Variants in CFAP47 observed in about 807,000 individuals in gnomAD.
The protein encoded by CFAP47 is cilia- and flagella-associated protein 47.
A neutral mutation model predicts 148.1 loss-of-function variants in CFAP47; 29 were observed. That is an observed-to-expected ratio of 0.20 (90% CI 0.15 to 0.27). CFAP47 has a LOEUF of 0.27. Among genes scored for constraint, CFAP47 ranks in the 10% least tolerant of loss-of-function variants. CFAP47 has a pLI of 1.00. For synonymous variants in CFAP47, 664 were observed against 577.3 expected (o/e 1.15, Z -2.15); for missense variants, 1,872 against 1,697.5 (o/e 1.10, Z -1.81).
intron 8 of CFAP47, among the ~76,000 whole-genome samples, chrX:35,959,243 G>A (rs972894378): frequency 8.1e-5 from 9 of 111,305 alleles, no homozygotes; most frequent in Non-Finnish European, 1.7e-4. Context: ...TTTTTTTATG[G>A]AATTGCAAGA....
chrX:35,921,505 A>G (rs1273477025), intron 1 of CFAP47, among the ~76,000 whole-genome samples: 1 of 112,018 alleles, frequency 8.9e-6, no homozygotes, highest in Non-Finnish European at 1.9e-5. Flanking sequence ...TTGGATGTGG[A>G]CAACCACTAT....
rs1049745964 is a variant in CFAP47 at position 36,366,929 on chromosome X, C to T, written c.9024-37C>T. The T allele has an allele frequency of 6.2e-6, 6 of 972,030 alleles. No homozygotes were observed. The African/African-American group carries it at 1.2e-4, about 19-fold the overall frequency. 80.1% of individuals were successfully genotyped at this position (972,030 alleles called of 1,213,427 possible). A position where few individuals can be genotyped will look rare whatever the true frequency, so the allele number is the denominator to read the frequency against. ...TATATTTATTCTCTTTACTTGTTTT[C>T]ACGTAGTGTCATTTAAAATCTCCTT... On this transcript the variant is annotated intron_variant, in intron 61 of 63. Transcript: ENST00000378653.
chrX:36,011,621 A>G (rs1262142164), intron 21 of CFAP47, among the ~76,000 whole-genome samples: 1 of 112,205 alleles, frequency 8.9e-6, no homozygotes, highest in Non-Finnish European at 1.9e-5. Context: ...TGCCAAGCAC[A>G]TTGCATCAGT....
rs145040004 is a variant in CFAP47 at position 36,137,542 on chromosome X, G to T, written c.5321-416G>T. Reference sequence around the variant, plus strand: ...TTTCCTGCCACGTGGATGAATTTCTGCAAGAAATAAAGAAACTGGCACTAG... The same window carrying T: ...TTTCCTGCCACGTGGATGAATTTCTTCAAGAAATAAAGAAACTGGCACTAG... On this transcript the variant is annotated intron_variant, in intron 33 of 63. Coordinates refer to ENST00000378653, the MANE Select transcript of CFAP47 (RefSeq NM_001304548.2). Among the ~76,000 whole-genome samples, 707 of 110,587 alleles carry T rather than the reference G, an allele frequency of 6.4e-3. 8 individuals carry two copies. The highest frequency in any genetic ancestry group is 0.023 in the African/African-American group (687 of 30,529).
At chrX:36,190,636 C>T (rs1555986354) in intron 42 of CFAP47, among the ~76,000 whole-genome samples, 2 of 112,211 alleles carry the variant, frequency 1.8e-5, no homozygotes, top group East Asian at 5.6e-4. Context: ...GAGGAAGGAT[C>T]TGCTTCCAAA....
In CFAP47 at chrX:36,172,876, A is replaced by G. The variant is rs967563285; in HGVS notation, c.6027-6469A>G. Among the ~76,000 whole-genome samples, 3 of 111,613 alleles carry G rather than the reference A, an allele frequency of 2.7e-5. No homozygotes were observed. The Admixed American group carries it at 2.8e-4, about 11-fold the overall frequency. On this transcript the variant is annotated intron_variant, in intron 39 of 63. Transcript: ENST00000378653. ...TTGGAATAGTTTCAGAAGGAATGGT[A>G]CCAGTTCCTCCTTGTACCTCTGGTA... is the stretch of plus-strand genomic sequence containing the variant.
At chrX:35,967,894 A>C in intron 10 of CFAP47, 62 bp downstream of exon 10, 1 of 626,607 alleles carries the variant, frequency 1.6e-6, no homozygotes. Context: ...CGACATGCAG[A>C]AGTTTCATCA....
intron 2 of CFAP47, among the ~76,000 whole-genome samples, chrX:35,929,791 G>C (rs1935798261): frequency 9.0e-6 from 1 of 110,989 alleles, no homozygotes; most frequent in Non-Finnish European, 1.9e-5. Context: ...TTGAGGCCAG[G>C]AGTTCGAGAC....
At chrX:36,213,590 G>T (rs2146890636) in intron 45 of CFAP47, among the ~76,000 whole-genome samples, 1 of 111,965 alleles carries the variant, frequency 8.9e-6, no homozygotes, top group Admixed American at 9.5e-5. Flanking sequence ...ATTTGTAAAA[G>T]GGAGAATGTT....
At chrX:36,085,938 A>T (rs1044469376) in intron 30 of CFAP47, among the ~76,000 whole-genome samples, 4 of 110,544 alleles carry the variant, frequency 3.6e-5, no homozygotes, top group African/African-American at 1.3e-4. Context: ...GATATTTCTG[A>T]TCCATTACCT....
intron 28 of CFAP47, 96 bp from the exon 29 acceptor site, chrX:36,073,043 T>C: frequency 1.9e-6 from 1 of 530,964 alleles, no homozygotes; most frequent in East Asian, 3.6e-5. Flanking sequence ...ATTTGTAGAA[T>C]AGGTTCTATT....
At chrX:36,167,095 T>G (rs1305906816) in intron 39 of CFAP47, among the ~76,000 whole-genome samples, 1 of 111,966 alleles carries the variant, frequency 8.9e-6, no homozygotes, top group African/African-American at 3.2e-5. Context: ...AGCAGTCTCC[T>G]TCACCAGTTC....
chrX:36,329,645 T>C (rs1252671621), intron 57 of CFAP47, among the ~76,000 whole-genome samples: 1 of 112,408 alleles, frequency 8.9e-6, no homozygotes, highest in Admixed American at 9.4e-5. Flanking sequence ...TTTCTGGCAT[T>C]ATTTCAGACA....
intron 27 of CFAP47, among the ~76,000 whole-genome samples, chrX:36,069,602 A>G (rs913005464): frequency 9.9e-5 from 11 of 111,490 alleles, no homozygotes. Context: ...AATGCTTACC[A>G]GGTATATGGT....
chrX:35,994,327 T>G (rs1235434033), intron 18 of CFAP47, among the ~76,000 whole-genome samples: 6 of 112,002 alleles, frequency 5.4e-5, no homozygotes, highest in Admixed American at 4.7e-4. Context: ...AAATAAAATA[T>G]GTAAGACAGG....
intron 22 of CFAP47, 58 bp from the exon 23 acceptor site, chrX:36,031,195 G>C (rs1343504138): frequency 3.2e-5 from 9 of 279,282 alleles, no homozygotes; most frequent in Admixed American, 6.4e-5. Context: ...ATACTAAAAA[G>C]TACCTATGGG....
At chrX:36,147,465 C>T (rs1451792676) in intron 36 of CFAP47, among the ~76,000 whole-genome samples, 1 of 112,258 alleles carries the variant, frequency 8.9e-6, no homozygotes, top group Non-Finnish European at 1.9e-5. Flanking sequence ...CTATAATTTG[C>T]AACATTTCCT....
At chrX:36,128,687 C>G (rs902982924) in intron 33 of CFAP47, among the ~76,000 whole-genome samples, 1 of 109,527 alleles carries the variant, frequency 9.1e-6, no homozygotes, top group African/African-American at 3.3e-5. Flanking sequence ...TTCATTACAT[C>G]CTGAAAGTTA....
chrX:36,114,727 T>G (rs775867221), intron 33 of CFAP47, among the ~76,000 whole-genome samples: 2 of 108,442 alleles, frequency 1.8e-5, no homozygotes, highest in African/African-American at 6.6e-5. Flanking sequence ...CTGCACTGGG[T>G]GGGGGTGGAG....
Sources: gnomAD v4.1 joint callset for allele counts (sites outside exome capture counted in the v4.1 genomes callset) on GRCh38, gnomAD v4.1.1 for gene constraint, MANE v1.5 for transcripts, NCBI Gene and HGNC (gene_info 2026-07-23, HGNC 2026-07-21) for gene names.